LRRTM4: variants seen among roughly 807,000 people sequenced by gnomAD.
LRRTM4 encodes the protein leucine-rich repeat transmembrane neuronal protein 4.
LRRTM4 carries 25 observed loss-of-function variants against 47.6 expected under a neutral mutation model. The observed-to-expected ratio is 0.53, with a 90% CI of 0.38 to 0.73. The LOEUF (loss-of-function observed/expected upper bound fraction) is 0.73. Ranked by LOEUF, LRRTM4 falls within the 30% of genes least tolerant of loss-of-function variation. LRRTM4 has a pLI of 0.00. For missense variants in LRRTM4, 638 were observed against 713.4 expected (o/e 0.89, Z 1.20); for synonymous variants, 311 against 269.5 (o/e 1.15, Z -1.51).
intron 3 of LRRTM4, among the ~76,000 whole-genome samples, chr2:76,802,558 G>T (rs1675756332): frequency 6.6e-6 from 1 of 152,060 alleles, no homozygotes; most frequent in Non-Finnish European, 1.5e-5. Context: ...ATGATTCAAT[G>T]TAATCCCTAT....
intron 3 of LRRTM4, among the ~76,000 whole-genome samples, chr2:76,911,923 G>T (rs1674072216): frequency 1.7e-5 from 2 of 118,810 alleles, no homozygotes; most frequent in Admixed American, 9.9e-5. Context: ...GTGAGTTGTG[G>T]TATGTGCTTT....
intron 3 of LRRTM4, among the ~76,000 whole-genome samples, chr2:76,937,149 C>T (rs912022115): frequency 6.6e-6 from 1 of 151,786 alleles, no homozygotes; most frequent in Non-Finnish European, 1.5e-5. Flanking sequence ...TATTACCCAA[C>T]TCTAAAGAGA....
intron 3 of LRRTM4, among the ~76,000 whole-genome samples, chr2:77,163,673 G>C (rs945979445): frequency 6.6e-6 from 1 of 152,144 alleles, no homozygotes; most frequent in Non-Finnish European, 1.5e-5. Context: ...TTAAAGAAAA[G>C]AATTTTCAAC....
intron 3 of LRRTM4, among the ~76,000 whole-genome samples, chr2:77,485,626 G>A (rs1194965668): frequency 6.6e-6 from 1 of 152,160 alleles, no homozygotes; most frequent in Admixed American, 6.5e-5. Context: ...TTTCAAATAA[G>A]GGTTGTGATA....
chr2:76,864,256 T>TGAAACCAAGCTATCCAAAGATG, intron 3 of LRRTM4, among the ~76,000 whole-genome samples: 1 of 152,278 alleles, frequency 6.6e-6, no homozygotes, highest in East Asian at 1.9e-4. Flanking sequence ...CCTCCCAATA[T>TGAAACCAAGCTATCCAAAGATG]GAAACCAAGC....
At chr2:77,435,855 C>T (rs1451915567) in intron 3 of LRRTM4, among the ~76,000 whole-genome samples, 1 of 152,118 alleles carries the variant, frequency 6.6e-6, no homozygotes, top group Non-Finnish European at 1.5e-5. Flanking sequence ...CTTTATCCCT[C>T]CTTACATTCA....
chr2:76,968,635 G>A (rs1676118421), intron 3 of LRRTM4, among the ~76,000 whole-genome samples: 1 of 151,536 alleles, frequency 6.6e-6, no homozygotes, highest in Non-Finnish European at 1.5e-5. Flanking sequence ...CAGAAGAGAA[G>A]AGGGAAATGT....
At chr2:77,352,666 C>A (rs1671828985) in intron 3 of LRRTM4, among the ~76,000 whole-genome samples, 1 of 152,028 alleles carries the variant, frequency 6.6e-6, no homozygotes, top group Non-Finnish European at 1.5e-5. Context: ...TTAAGCCACA[C>A]AACAATTTCA....
rs529410380 is a variant in LRRTM4 at position 77,482,965 on chromosome 2, A to G, written c.1551+35353T>C. 9.1e-4 allele frequency among the ~76,000 whole-genome samples: 138 copies of G among 151,594 alleles called. 1 individual carries two copies. The highest frequency in any genetic ancestry group is 3.3e-3 in the African/African-American group (136 of 41,346). ...GTAAAACCCTGTCTCTACTAAAAAT[A>G]CAAAAATTAGCCGGGCGTGGTGGCG... On this transcript the variant is annotated intron_variant, in intron 3 of 3. Coordinates refer to ENST00000409884, the MANE Select transcript of LRRTM4 (RefSeq NM_001134745.3).
At chr2:77,298,069 T>G (rs1677021974) in intron 3 of LRRTM4, among the ~76,000 whole-genome samples, 1 of 152,210 alleles carries the variant, frequency 6.6e-6, no homozygotes, top group African/African-American at 2.4e-5. Context: ...AGAGAGTAAA[T>G]TCTGCCTCTC....
chr2:77,043,136 T>C lies in LRRTM4; in HGVS notation c.1552-294220A>G, dbSNP rs140933263. ...CTGATTTTCTCTTTCTTTCCTGTTT[T>C]GTCTTTTGTACGTATCTTTCATTGT... On this transcript the variant is annotated intron_variant, in intron 3 of 3. Transcript: ENST00000409884. Among the ~76,000 whole-genome samples the C allele has an allele frequency of 2.3e-3, 357 of 151,924 alleles. 7 individuals are homozygous for C. The highest frequency in any genetic ancestry group is 7.4e-3 in the African/African-American group (306 of 41,520).
At chr2:76,888,989 T>C (rs1241025107) in intron 3 of LRRTM4, among the ~76,000 whole-genome samples, 1 of 151,930 alleles carries the variant, frequency 6.6e-6, no homozygotes, top group Non-Finnish European at 1.5e-5. Context: ...GGGCTTAAGG[T>C]AGCCTATGTA....
intron 3 of LRRTM4, among the ~76,000 whole-genome samples, chr2:76,946,142 A>G (rs1027318328): frequency 5.3e-5 from 8 of 151,974 alleles, no homozygotes; most frequent in African/African-American, 7.2e-5. Context: ...CTTTCCTGAA[A>G]GAAGGTAGAA....
At chr2:77,429,727 T>C (rs1241848502) in intron 3 of LRRTM4, among the ~76,000 whole-genome samples, 4 of 151,852 alleles carry the variant, frequency 2.6e-5, no homozygotes, top group Non-Finnish European at 5.9e-5. Flanking sequence ...GTGGGGGAAA[T>C]ATTGATCAAA....
intron 3 of LRRTM4, among the ~76,000 whole-genome samples, chr2:77,089,139 C>T (rs1268205138): frequency 1.5e-4 from 23 of 152,086 alleles, no homozygotes; most frequent in Non-Finnish European, 1.5e-5. Context: ...GCAAGTCCCG[C>T]TTTTCTGGGG....
chr2:76,992,441 A>C (rs1287958894), intron 3 of LRRTM4, among the ~76,000 whole-genome samples: 1 of 151,776 alleles, frequency 6.6e-6, no homozygotes, highest in Non-Finnish European at 1.5e-5. Context: ...AAGTTTGGGG[A>C]TACAAAATTA....
chr2:77,330,204 T>C (rs1670918856), intron 3 of LRRTM4, among the ~76,000 whole-genome samples: 1 of 152,160 alleles, frequency 6.6e-6, no homozygotes, highest in Non-Finnish European at 1.5e-5. Flanking sequence ...GGACTGTAGG[T>C]GGGGAGACCA....
intron 3 of LRRTM4, among the ~76,000 whole-genome samples, chr2:77,438,162 A>C (rs1675677051): frequency 6.6e-6 from 1 of 152,154 alleles, no homozygotes; most frequent in Non-Finnish European, 1.5e-5. Flanking sequence ...GACATAAATA[A>C]AAGTTATGTT....
intron 3 of LRRTM4, among the ~76,000 whole-genome samples, chr2:76,906,203 A>C (rs1193874003): frequency 6.6e-6 from 1 of 151,296 alleles, no homozygotes; most frequent in East Asian, 1.9e-4. Flanking sequence ...AACATTCTTA[A>C]AGAAAAGAAT....
Sources: allele counts gnomAD v4.1 joint callset (sites outside exome capture counted in the v4.1 genomes callset), GRCh38; gene constraint gnomAD v4.1.1; transcripts MANE v1.5; gene names NCBI Gene and HGNC (gene_info 2026-07-23, HGNC 2026-07-21).